DNAH1: variants seen among roughly 807,000 people sequenced by gnomAD.
DNAH1 encodes dynein axonemal heavy chain 1, also known as axonemal beta dynein heavy chain 1.
DNAH1 carries 327 observed loss-of-function variants against 484.3 expected under a neutral mutation model. The observed-to-expected ratio is 0.68, with a 90% CI of 0.62 to 0.74. The LOEUF is 0.74. DNAH1 is among the 30% of genes least tolerant of loss of function. DNAH1 has a pLI of 0.00. For synonymous variants in DNAH1, 2,192 were observed against 2,191.9 expected (o/e 1.00, Z 0.00); for missense variants, 5,052 against 5,546.8 (o/e 0.91, Z 2.83).
chr3:52,392,525 G>T lies in DNAH1; in HGVS notation c.10114G>T (p.Ala3372Ser), dbSNP rs1475155857. The T allele has an allele frequency of 6.2e-7, 1 of 1,614,012 alleles. No individual in the cohort carries two copies. Among genetic ancestry groups the T allele is most frequent in the Admixed American group, 1.7e-5 (1 of 60,032 alleles). Residue 3372 changes from alanine to serine, a missense_variant, in exon 64 of 78, where the codon GCC becomes TCC. Physicochemically the swap from Ala to Ser is moderately conservative, Grantham distance 99. This residue lies in a region of DNAH1 where 2,929 missense variants were observed against 3,409.4 expected (regional missense o/e 0.86). Transcript: ENST00000420323. ...AGAGGAGCGACCCGACCTGGAGGAG[G>T]CCAAGAACCAGCTGATTATCAGTAA... ...VAEERPDLEEAKNQLIISNAK... is the reference protein window; with the variant it reads ...VAEERPDLEESKNQLIISNAK...
rs537215946 is a variant in DNAH1, at chr3:52,332,378, A to T, written c.1270A>T (p.Met424Leu). ...IKQWALSTPR[M>L]RKGPSVLEHL... The stretch of plus-strand genomic sequence containing the variant: ...GCAGTGGGCCCTGAGCACGCCTCGG[A>T]TGCGCAAAGGCCCCTCGTGAGTCCC... Residue 424 changes from methionine to leucine, a missense_variant, in exon 8 of 78, where the codon ATG (methionine) becomes TTG (leucine). Coordinates refer to ENST00000420323, the MANE Select transcript of DNAH1 (RefSeq NM_015512.5). The T allele has an allele frequency of 1.3e-5, 21 of 1,613,500 alleles. No individual in the cohort carries two copies. In the South Asian group the frequency reaches 2.3e-4, roughly 18 times the overall value.
chr3:52,336,844 T>A lies in DNAH1; in HGVS notation c.1286+4450T>A, dbSNP rs111642740. 2.0e-4 allele frequency among the ~76,000 whole-genome samples: 31 copies of A among 152,344 alleles called. 1 individual carries two copies. Among genetic ancestry groups the A allele is most frequent in the Middle Eastern group, 3.4e-3 (1 of 294 alleles). ...TGTTTTGGTTACTGTAGCCTTGTAG[T>A]ACAGTTTGAAGATAAGGTGATGCCT... On this transcript the variant is annotated intron_variant, in intron 8 of 77. Coordinates refer to ENST00000420323, the MANE Select transcript of DNAH1 (RefSeq NM_015512.5).
In DNAH1 at chr3:52,396,726, G is replaced by C. The variant is rs763059648; in HGVS notation, c.11539G>C (p.Asp3847His). 1 of 1,613,782 alleles carries C rather than the reference G, an allele frequency of 6.2e-7. No homozygotes were observed. Among genetic ancestry groups the C allele is most frequent in the African/African-American group, 1.3e-5 (1 of 75,030 alleles). ...LGFNIPYEFT[D>H]GDLRICISQL... is the part of the protein sequence containing the mutation. ...CTTCAACATCCCCTATGAGTTCACGGATGGAGATCTGCGCATCTGCATCAG... is the reference window on the plus strand; with the variant it reads ...CTTCAACATCCCCTATGAGTTCACGCATGGAGATCTGCGCATCTGCATCAG... The change falls in exon 72 of 78, where the codon GAT becomes CAT. Residue 3847 changes from aspartate to histidine, a missense_variant. Physicochemically the swap from Asp to His is moderately conservative, Grantham distance 81. Around this residue, in one of 4 missense-constraint regions of DNAH1, gnomAD observed 853 missense variants for 899.0 expected, o/e 0.95. Coordinates refer to ENST00000420323, the MANE Select transcript of DNAH1 (RefSeq NM_015512.5).
rs1022678532 is a variant in DNAH1 at position 52,316,545 on chromosome 3, G to A, written c.-35G>A. The A allele has an allele frequency of 2.0e-5, 3 of 152,292 alleles. No homozygotes were observed. Among genetic ancestry groups the A allele is most frequent in the South Asian group, 4.1e-4 (2 of 4,836 alleles). The allele number at this position is 152,292 out of a possible 1,614,324, so 9.4% of individuals were successfully genotyped here. ...GTTGCACCACCATCAGGTCTTGAAG[G>A]GTGAGTAGGAGTCCGCCAGATGCAG... On this transcript the variant is annotated splice_region_variant and 5_prime_UTR_variant, in exon 1 of 78. Coordinates refer to ENST00000420323, the MANE Select transcript of DNAH1 (RefSeq NM_015512.5).
In DNAH1 at chr3:52,345,495, G is replaced by C. The variant is rs1180540944; in HGVS notation, c.1445G>C (p.Gly482Ala). The change falls in exon 10 of 78, where the codon GGG (glycine) becomes GCG (alanine). Residue 482 changes from glycine (G) to alanine (A), a missense_variant and splice_region_variant. This residue lies in a region of DNAH1 where 1,263 missense variants were observed against 1,218.8 expected (regional missense o/e 1.04). Transcript: ENST00000420323. ...KKEEEQVPER[G>A]LVSVPKYHFW... ...TGGCCCTTGGCCCCTATCCCTGCAG[G>C]GCTGGTGAGTGTCCCCAAGTACCAC... The C allele has an allele frequency of 6.4e-7, 1 of 1,560,556 alleles. No homozygotes were observed.
rs776056632 is a variant in DNAH1 at position 52,394,896 on chromosome 3, G to T, written c.10824-19G>T. ...TTCCAACAGGCTGGCTCTCAGGGAG[G>T]TGTGGGCCACTGTTGCAGGGAGCCT... On this transcript the variant is annotated intron_variant, in intron 67 of 77. Coordinates refer to ENST00000420323, the MANE Select transcript of DNAH1 (RefSeq NM_015512.5). 2.5e-6 allele frequency: 4 copies of T among 1,611,666 alleles called. No individual in the cohort carries two copies. Among genetic ancestry groups the T allele is most frequent in the Non-Finnish European group, 3.4e-6 (4 of 1,178,640 alleles).
At position 52,383,946 on chromosome 3, in the gene DNAH1, C is replaced by T. The variant is rs548600793; in HGVS notation, c.8237C>T (p.Pro2746Leu). The change falls in exon 52 of 78, where the codon CCG becomes CTG. Residue 2746 changes from proline to leucine, a missense_variant. This residue lies in a region of DNAH1 where 2,929 missense variants were observed against 3,409.4 expected (regional missense o/e 0.86). Transcript: ENST00000420323. ...ACCATCGACTGGTTTAACGAGTGGC[C>T]GGCAGAAGCCCTGAAGTCTGTGGCC... ...CCTIDWFNEW[P>L]AEALKSVATV... The T allele has an allele frequency of 3.5e-5, 57 of 1,612,918 alleles. 1 individual carries two copies. In the South Asian group the frequency reaches 3.9e-4, roughly 11 times the overall value.
rs1046980588 is a variant in DNAH1, at chr3:52,362,307, CAG to C, written c.4981-80_4981-79del. ...GCTACAGCCAGGACAGGGGCATCAA[CAG>C]GGGACAAGGGGCCCACTCAGAGGAG... On this transcript the variant is annotated intron_variant, in intron 30 of 77. Transcript: ENST00000420323. This position sits in a 1 kb window ranked among gnomAD's most constrained non-coding sequence, Gnocchi z 5.1. The C allele has an allele frequency of 6.0e-5, 72 of 1,197,126 alleles. No individual in the cohort carries two copies. The highest frequency in any genetic ancestry group is 6.1e-5 in the Non-Finnish European group (50 of 825,054). 74.2% of individuals were successfully genotyped at this position (1,197,126 alleles called of 1,614,324 possible). A position where few individuals can be genotyped will look rare whatever the true frequency, so the allele number is the denominator to read the frequency against.
rs200707455 is a variant in DNAH1 at position 52,353,533 on chromosome 3, A to G, written c.3380A>G (p.Asn1127Ser). Reference sequence around the variant, plus strand: ...AACATCAATGTCAGGCCCAAGGCCAACCTGACCTTTGCTCGCTGCCTGGAG... The same window carrying G: ...AACATCAATGTCAGGCCCAAGGCCAGCCTGACCTTTGCTCGCTGCCTGGAG... The part of the protein sequence containing the change: ...QININVRPKA[N>S]LTFARCLEMN... The change falls in exon 20 of 78, where the codon AAC becomes AGC. Residue 1127 changes from asparagine to serine, a missense_variant. By Grantham distance (46) the Asn-to-Ser change is conservative. Coordinates refer to ENST00000420323, the MANE Select transcript of DNAH1 (RefSeq NM_015512.5). This position sits in a 1 kb window ranked among gnomAD's most constrained non-coding sequence, Gnocchi z 5.0. The G allele has an allele frequency of 6.4e-5, 104 of 1,613,754 alleles. No individual in the cohort carries two copies. The highest frequency in any genetic ancestry group is 8.4e-5 in the Non-Finnish European group (99 of 1,179,874).
chr3:52,345,402 C>T (rs1702100563), intron 9 of DNAH1, 93 bp from the exon 10 acceptor site: 2 of 1,061,656 alleles, frequency 1.9e-6, no homozygotes, highest in African/African-American at 1.6e-5. Flanking sequence ...AGGCAGGAGT[C>T]ATGGCCCTCC....
At chr3:52,374,816 G>A (rs1703512034) in intron 44 of DNAH1, 1 of 1,064,450 alleles carries the variant, frequency 9.4e-7, no homozygotes. Flanking sequence ...AACTAAAAGA[G>A]AAGCTAAAAA....
intron 46 of DNAH1, among the ~76,000 whole-genome samples, chr3:52,377,515 C>T (rs1190446088): frequency 6.6e-6 from 1 of 151,936 alleles, no homozygotes; most frequent in Non-Finnish European, 1.5e-5. Context: ...AGTCCACACT[C>T]CTCCTCTCTC....
chr3:52,399,809 A>G, intron 77 of DNAH1, 30 bp downstream of exon 77: 2 of 1,604,276 alleles, frequency 1.2e-6, no homozygotes, highest in Non-Finnish European at 1.7e-6. Flanking sequence ...AGCCTACACT[A>G]TGGGCGGGGA....
chr3:52,389,611 C>A, intron 60 of DNAH1, 25 bp downstream of exon 60: 3 of 1,416,836 alleles, frequency 2.1e-6, no homozygotes, highest in Non-Finnish European at 9.2e-7. Context: ...GGCAGGAGTG[C>A]CCAGGCAGGG....
rs918725275 is a variant in DNAH1 at position 52,383,308 on chromosome 3, T to C, written c.7942-78T>C. On this transcript the variant is annotated intron_variant, in intron 50 of 77. Transcript: ENST00000420323. Reference sequence around the variant, plus strand: ...GGTACAGTCTGTCAAATGGAGCTGTTGTGAAGGTCCAGCGAGACTGTGGTC... The same window carrying C: ...GGTACAGTCTGTCAAATGGAGCTGTCGTGAAGGTCCAGCGAGACTGTGGTC... 3 of 1,316,150 alleles carry C rather than the reference T, an allele frequency of 2.3e-6. No homozygotes were observed. The African/African-American group carries it at 4.4e-5, about 19-fold the overall frequency. The allele number at this position is 1,316,150 out of a possible 1,614,324, so 81.5% of individuals were successfully genotyped here. A position where few individuals can be genotyped will look rare whatever the true frequency, so the allele number is the denominator to read the frequency against.
rs1350998868 is a variant in DNAH1, at chr3:52,349,294, C to T, written c.2400C>T (p.Ser800=). The part of the protein sequence containing the change: ...KEILDSSLPS[S]IIIGPFYINT... Reference sequence around the variant, plus strand: ...TCCTGGACAGCTCGCTGCCCAGCAGCATCATCATTGGGCCTTTCTACATCA... The same window carrying T: ...TCCTGGACAGCTCGCTGCCCAGCAGTATCATCATTGGGCCTTTCTACATCA... Residue 800 remains serine (S), a synonymous_variant, in exon 14 of 78, where the codon AGC becomes AGT. Coordinates refer to ENST00000420323, the MANE Select transcript of DNAH1 (RefSeq NM_015512.5). 6.2e-7 allele frequency: 1 copy of T among 1,614,014 alleles called. No homozygotes were observed. The highest frequency in any genetic ancestry group is 1.1e-5 in the South Asian group (1 of 91,086).
intron 8 of DNAH1, among the ~76,000 whole-genome samples, chr3:52,338,496 A>G (rs932226710): frequency 4.6e-5 from 7 of 152,144 alleles, no homozygotes; most frequent in African/African-American, 1.4e-4. Flanking sequence ...AATAAACTCT[A>G]TTAAACGTAT....
intron 46 of DNAH1, 58 bp from the exon 47 acceptor site, chr3:52,378,544 C>T: frequency 6.4e-7 from 1 of 1,571,944 alleles, no homozygotes; most frequent in Non-Finnish European, 8.7e-7. Flanking sequence ...TCAGGACCTG[C>T]AGAGGCGGCA....
At chr3:52,342,420 C>T (rs1242031199) in intron 8 of DNAH1, among the ~76,000 whole-genome samples, 1 of 152,196 alleles carries the variant, frequency 6.6e-6, no homozygotes, top group Non-Finnish European at 1.5e-5. Context: ...AATGAGGAGA[C>T]TAATGCCATA....
Sources: allele counts gnomAD v4.1 joint callset (sites outside exome capture counted in the v4.1 genomes callset), GRCh38; gene constraint gnomAD v4.1.1; regional missense constraint gnomAD v4.1.1; non-coding constraint Gnocchi (gnomAD v3.1); transcripts MANE v1.5; gene names NCBI Gene and HGNC (gene_info 2026-07-23, HGNC 2026-07-21).